The following SLC44A5 variants were observed in gnomAD, a reference collection of about 807,000 sequenced individuals.
SLC44A5 encodes the protein choline transporter-like protein 5.
In SLC44A5, 57 loss-of-function variants were observed where a neutral mutation model predicts 101.8. That is an observed-to-expected ratio of 0.56 (90% CI 0.45 to 0.70). SLC44A5 has a LOEUF of 0.70. Among genes scored for constraint, SLC44A5 ranks in the 30% least tolerant of loss-of-function variants. The pLI is 0.00. For synonymous variants in SLC44A5, 281 were observed against 290.9 expected, an observed-to-expected ratio of 0.97 and a Z score of 0.35; for missense variants, 737 against 853.1, an observed-to-expected ratio of 0.86 and a Z score of 1.70.
chr1:75,488,148 G>A (rs928349416), intron 2 of SLC44A5, among the ~76,000 whole-genome samples: 5 of 152,284 alleles, frequency 3.3e-5, no homozygotes, highest in African/African-American at 1.2e-4. Flanking sequence ...ACATGATGAT[G>A]AGTTCTATAA....
chr1:75,513,332 A>G (rs577831284), intron 2 of SLC44A5, among the ~76,000 whole-genome samples: 1 of 152,338 alleles, frequency 6.6e-6, no homozygotes, highest in African/African-American at 2.4e-5. Flanking sequence ...TGTTTATTAC[A>G]ATGCAGTCAC....
chr1:75,326,655 CATTGTATT>C (rs1350057886), intron 4 of SLC44A5, among the ~76,000 whole-genome samples: 1 of 152,122 alleles, frequency 6.6e-6, no homozygotes, highest in East Asian at 1.9e-4. Context: ...TATGTACAAG[CATTGTATT>C]ATGTACAAAC....
At position 75,381,967 on chromosome 1, in the gene SLC44A5, T is replaced by C; in HGVS notation, c.52+14616A>G. ...TGATTGGCAAAATAATTCTACAAGATTGTGGAATTCACAATCTAGTATTGA... is the reference window on the plus strand; with the variant it reads ...TGATTGGCAAAATAATTCTACAAGACTGTGGAATTCACAATCTAGTATTGA... On this transcript the variant is annotated intron_variant, in intron 3 of 23. Transcript: ENST00000370859. Among the ~76,000 whole-genome samples the C allele has an allele frequency of 2.5e-5, 2 of 79,860 alleles. 1 individual carries two copies. The highest frequency in any genetic ancestry group is 4.3e-5 in the Non-Finnish European group (2 of 46,824). 52.4% of individuals were successfully genotyped at this position (79,860 alleles called of 152,430 possible).
chr1:75,294,644 G>C (rs947049318), intron 5 of SLC44A5, among the ~76,000 whole-genome samples: 1 of 152,070 alleles, frequency 6.6e-6, no homozygotes, highest in African/African-American at 2.4e-5. Flanking sequence ...GTATGTGTGT[G>C]TGTATGTATA....
chr1:75,422,575 T>C (rs1050205682), intron 2 of SLC44A5, among the ~76,000 whole-genome samples: 69 of 152,190 alleles, frequency 4.5e-4, no homozygotes, highest in Non-Finnish European at 2.2e-4. Context: ...ACAGTAGCGA[T>C]TACAGATGTT....
chr1:75,465,026 A>G (rs1460900759), intron 2 of SLC44A5, among the ~76,000 whole-genome samples: 3 of 152,222 alleles, frequency 2.0e-5, no homozygotes, highest in Non-Finnish European at 4.4e-5. Flanking sequence ...TCTGCACTAT[A>G]GACCAAATGG....
At chr1:75,683,731 G>A in the SLC44A5 span, among the ~76,000 whole-genome samples, 312 of 150,668 alleles carry the variant, frequency 2.1e-3, 1 homozygote, top group African/African-American at 6.9e-3. Context: ...CAATGTGCAC[G>A]TGTACCCTAA....
At chr1:75,634,798 A>C in the SLC44A5 span, among the ~76,000 whole-genome samples, 12 of 152,218 alleles carry the variant, frequency 7.9e-5, no homozygotes, top group African/African-American at 2.4e-4. Context: ...GCAACAAAAG[A>C]CAAAATTGAT....
At chr1:75,280,806 T>A (rs936096601) in intron 5 of SLC44A5, among the ~76,000 whole-genome samples, 2 of 152,012 alleles carry the variant, frequency 1.3e-5, no homozygotes, top group African/African-American at 4.8e-5. Flanking sequence ...AAGATGTGTT[T>A]GCTTCTCCTT....
chr1:75,261,742 T>C (rs946375616), intron 6 of SLC44A5, among the ~76,000 whole-genome samples: 1 of 152,078 alleles, frequency 6.6e-6, no homozygotes, highest in African/African-American at 2.4e-5. Flanking sequence ...ATATCCCTGA[T>C]GAACATGGAT....
chr1:75,683,272 C>T, the SLC44A5 span, among the ~76,000 whole-genome samples: 1 of 152,070 alleles, frequency 6.6e-6, no homozygotes, highest in Non-Finnish European at 1.5e-5. Flanking sequence ...ACCCAAAGGA[C>T]TATAAATCAT....
chr1:75,240,966 T>C (rs1217490289), intron 9 of SLC44A5, among the ~76,000 whole-genome samples: 2 of 152,054 alleles, frequency 1.3e-5, no homozygotes, highest in Non-Finnish European at 2.9e-5. Context: ...ATTATAAGGA[T>C]AGTAACAGTT....
chr1:75,432,197 T>C (rs377501451), intron 2 of SLC44A5, among the ~76,000 whole-genome samples: 12 of 152,286 alleles, frequency 7.9e-5, no homozygotes, highest in South Asian at 4.1e-4. Context: ...CTTCCTAAAA[T>C]GAATCTTTAT....
intron 2 of SLC44A5, among the ~76,000 whole-genome samples, chr1:75,473,642 T>C (rs1667229903): frequency 6.6e-6 from 1 of 152,222 alleles, no homozygotes. Context: ...GATAATACTT[T>C]TACAGATGAC....
chr1:75,461,327 C>G (rs1264418561), intron 2 of SLC44A5, among the ~76,000 whole-genome samples: 10 of 152,196 alleles, frequency 6.6e-5, no homozygotes, highest in Non-Finnish European at 1.5e-4. Flanking sequence ...ATGCACCTTT[C>G]TCCCTGTAAG....
intron 2 of SLC44A5, among the ~76,000 whole-genome samples, chr1:75,447,580 G>T (rs1665661704): frequency 6.6e-6 from 1 of 152,010 alleles, no homozygotes; most frequent in Admixed American, 6.6e-5. Flanking sequence ...ACTGAGTCTG[G>T]ATTCTATTTC....
At chr1:75,346,919 C>G (rs867217226) in intron 3 of SLC44A5, among the ~76,000 whole-genome samples, 1 of 152,084 alleles carries the variant, frequency 6.6e-6, no homozygotes, top group African/African-American at 2.4e-5. Flanking sequence ...AGATGGAAAA[C>G]GAACAGCATA....
At chr1:75,314,385 G>T (rs567773903) in intron 4 of SLC44A5, among the ~76,000 whole-genome samples, 1 of 152,206 alleles carries the variant, frequency 6.6e-6, no homozygotes, top group Admixed American at 6.5e-5. Context: ...TTCATATTTT[G>T]ATGTAAAAAG....
chr1:75,357,306 T>C, intron 3 of SLC44A5: 3 of 441,530 alleles, frequency 6.8e-6, no homozygotes, highest in South Asian at 4.8e-5. Flanking sequence ...TGTGATACTA[T>C]TCATTGATAG....
Sources: allele counts gnomAD v4.1 joint callset (sites outside exome capture counted in the v4.1 genomes callset), GRCh38; gene constraint gnomAD v4.1.1; transcripts MANE v1.5; gene names NCBI Gene and HGNC (gene_info 2026-07-23, HGNC 2026-07-21).